The following CNTN5 variants were observed in gnomAD, a reference collection of about 807,000 sequenced individuals.
CNTN5 encodes contactin 5, also known as contactin-5.
In CNTN5, 77 loss-of-function variants were observed where a neutral mutation model predicts 129.1. The observed-to-expected ratio is 0.60, with a 90% CI of 0.50 to 0.72. The LOEUF (loss-of-function observed/expected upper bound fraction) is 0.72, where lower values mean the gene tolerates loss of function less well. CNTN5 is among the 30% of genes least tolerant of loss of function. The pLI is 0.00. For synonymous variants in CNTN5, 509 were observed against 465.6 expected (o/e 1.09, Z -1.20); for missense variants, 1,478 against 1,328.8 (o/e 1.11, Z -1.75).
intron 13 of CNTN5, among the ~76,000 whole-genome samples, chr11:100,092,015 G>A (rs1167289181): frequency 2.0e-5 from 3 of 151,962 alleles, no homozygotes; most frequent in Non-Finnish European, 4.4e-5. Context: ...ATACCACTCT[G>A]AATTTCTTTG....
At chr11:99,296,165 G>A (rs1001241829) in intron 1 of CNTN5, among the ~76,000 whole-genome samples, 5 of 152,104 alleles carry the variant, frequency 3.3e-5, no homozygotes, top group African/African-American at 2.4e-5. Flanking sequence ...GTGATCTTGG[G>A]AAAAGTTGTT....
At chr11:99,767,934 G>T (rs78140411) in intron 3 of CNTN5, among the ~76,000 whole-genome samples, 2 of 151,860 alleles carry the variant, frequency 1.3e-5, no homozygotes, top group Admixed American at 1.3e-4. Context: ...AAATACTCAC[G>T]TAGCTCAGGG....
At chr11:99,691,423 GT>G (rs1285549214) in intron 3 of CNTN5, among the ~76,000 whole-genome samples, 1 of 152,022 alleles carries the variant, frequency 6.6e-6, no homozygotes, top group Non-Finnish European at 1.5e-5. Context: ...TGGTAGCTGT[GT>G]CCCAGAGTTT....
At chr11:99,989,129 A>T (rs1271936361) in intron 8 of CNTN5, among the ~76,000 whole-genome samples, 2 of 152,166 alleles carry the variant, frequency 1.3e-5, no homozygotes, top group Non-Finnish European at 2.9e-5. Flanking sequence ...TAGAAATCAC[A>T]ATTTCTAGTT....
At chr11:99,408,937 CA>C (rs1332432331) in intron 2 of CNTN5, among the ~76,000 whole-genome samples, 1 of 152,104 alleles carries the variant, frequency 6.6e-6, no homozygotes, top group African/African-American at 2.4e-5. Flanking sequence ...TAATAATCTG[CA>C]AAATAAATCC....
chr11:100,192,008 G>A (rs372486063), intron 14 of CNTN5, among the ~76,000 whole-genome samples: 41 of 151,670 alleles, frequency 2.7e-4, no homozygotes, highest in Admixed American at 1.1e-3. Context: ...TATTTTTTCT[G>A]TCTTTAAAAT....
chr11:99,237,893 C>A (rs890461775), intron 1 of CNTN5, among the ~76,000 whole-genome samples: 1 of 152,040 alleles, frequency 6.6e-6, no homozygotes, highest in Non-Finnish European at 1.5e-5. Context: ...AAACCAAAGG[C>A]CAGGAAAAAG....
rs908116607 is a variant in CNTN5, at chr11:100,093,056, A to G, written c.1580+18762A>G. Among the ~76,000 whole-genome samples the G allele has an allele frequency of 5.3e-5, 8 of 152,098 alleles. No homozygotes were observed. The East Asian group carries it at 5.8e-4, about 11-fold the overall frequency. Reference sequence around the variant, plus strand: ...AGCCTCTTCAGCAGCAATATACAGTATCTGCCTCCTCTCTCAATGACCAAC... The same window carrying G: ...AGCCTCTTCAGCAGCAATATACAGTGTCTGCCTCCTCTCTCAATGACCAAC... On this transcript the variant is annotated intron_variant, in intron 13 of 24. Transcript: ENST00000524871.
At chr11:99,200,943 TC>T (rs1424787928) in intron 1 of CNTN5, among the ~76,000 whole-genome samples, 2 of 151,352 alleles carry the variant, frequency 1.3e-5, no homozygotes, top group African/African-American at 4.9e-5. Context: ...ATGCAAACCC[TC>T]GTGTTTAACA....
intron 3 of CNTN5, among the ~76,000 whole-genome samples, chr11:99,730,549 C>T (rs1487987585): frequency 5.9e-5 from 9 of 152,084 alleles, no homozygotes. Context: ...CTTGTAGAAG[C>T]AAGTTTATGG....
intron 1 of CNTN5, among the ~76,000 whole-genome samples, chr11:99,082,834 A>G (rs1865860682): frequency 6.6e-6 from 1 of 152,184 alleles, no homozygotes; most frequent in Admixed American, 6.5e-5. Context: ...ACATTACACA[A>G]CAAGGAAAAA....
chr11:99,950,840 A>G (rs1035907113), intron 7 of CNTN5, among the ~76,000 whole-genome samples: 2 of 152,180 alleles, frequency 1.3e-5, no homozygotes, highest in African/African-American at 4.8e-5. Flanking sequence ...TTAAATTACA[A>G]TAATGAAAGA....
chr11:99,568,386 A>AAGC (rs1251000832), intron 3 of CNTN5, among the ~76,000 whole-genome samples: 1 of 152,226 alleles, frequency 6.6e-6, no homozygotes, highest in Non-Finnish European at 1.5e-5. Flanking sequence ...ATCATTTGTT[A>AAGC]AGCAGAAATA....
chr11:100,264,635 A>G (rs188768202), intron 17 of CNTN5, among the ~76,000 whole-genome samples: 59 of 152,174 alleles, frequency 3.9e-4, no homozygotes, highest in African/African-American at 1.3e-3. Flanking sequence ...TCTATTATTT[A>G]TGGGCATTTG....
chr11:99,428,863 A>G (rs1943249011), intron 2 of CNTN5, among the ~76,000 whole-genome samples: 1 of 152,132 alleles, frequency 6.6e-6, no homozygotes, highest in Non-Finnish European at 1.5e-5. Context: ...TATCTAAACA[A>G]GAACTTTAAG....
At chr11:99,448,068 A>T (rs536572408) in intron 2 of CNTN5, among the ~76,000 whole-genome samples, 1 of 152,154 alleles carries the variant, frequency 6.6e-6, no homozygotes, top group African/African-American at 2.4e-5. Context: ...TTTATTGTAG[A>T]GTTATATAAT....
At chr11:100,346,131 TTCAAA>T (rs1282633508) in intron 23 of CNTN5, among the ~76,000 whole-genome samples, 3 of 152,150 alleles carry the variant, frequency 2.0e-5, no homozygotes, top group East Asian at 1.9e-4. Flanking sequence ...AAACAAAAAC[TTCAAA>T]TCAAAGTTTT....
chr11:99,213,058 G>A (rs1018096508), intron 1 of CNTN5, among the ~76,000 whole-genome samples: 5 of 151,646 alleles, frequency 3.3e-5, no homozygotes, highest in Admixed American at 3.3e-4. Flanking sequence ...GGGCGTGGTG[G>A]CACACACCTG....
chr11:99,956,784 AC>A, intron 7 of CNTN5, 21 bp from the exon 8 acceptor site: 2 of 1,604,248 alleles, frequency 1.2e-6, no homozygotes, highest in South Asian at 2.2e-5. Context: ...TCTTTCGTTG[AC>A]CAAATTTTGT....
Sources: gnomAD v4.1 joint callset for allele counts (sites outside exome capture counted in the v4.1 genomes callset) on GRCh38, gnomAD v4.1.1 for gene constraint, MANE v1.5 for transcripts, NCBI Gene and HGNC (gene_info 2026-07-23, HGNC 2026-07-21) for gene names.